Variants in CSTPP1 observed in about 807,000 individuals in gnomAD.
CSTPP1 encodes the protein centriolar satellite-associated tubulin polyglutamylase complex regulator 1, also known as UPF0705 protein C11orf49.
chr11:46,955,374 T>G, the CSTPP1 span, among the ~76,000 whole-genome samples: 1 of 151,690 alleles, frequency 6.6e-6, no homozygotes, highest in Admixed American at 6.6e-5. Flanking sequence ...TTTTTGTTTT[T>G]TTTTTTTCGA....
chr11:47,155,100 C>T, the CSTPP1 span: 1 of 1,091,538 alleles, frequency 9.2e-7, no homozygotes, highest in Non-Finnish European at 1.4e-6. Context: ...TTTTCCCTTC[C>T]TCCCTCTCCC....
At chr11:47,005,028 C>T in the CSTPP1 span, among the ~76,000 whole-genome samples, 1 of 152,190 alleles carries the variant, frequency 6.6e-6, no homozygotes, top group African/African-American at 2.4e-5. Context: ...TGTTCATCTG[C>T]ACACTCTCAT....
the CSTPP1 span, among the ~76,000 whole-genome samples, chr11:47,085,045 C>CA: frequency 4.0e-5 from 6 of 151,080 alleles, no homozygotes; most frequent in Admixed American, 2.0e-4. Flanking sequence ...ACTAAAAATA[C>CA]AAAAAAAAAT....
At chr11:47,144,064 CCT>C in the CSTPP1 span, among the ~76,000 whole-genome samples, 1 of 152,064 alleles carries the variant, frequency 6.6e-6, no homozygotes, top group South Asian at 2.1e-4. Flanking sequence ...TTCTCTGAGC[CCT>C]GTTTTTATAT....
At chr11:47,037,814 A>G in the CSTPP1 span, among the ~76,000 whole-genome samples, 2 of 127,460 alleles carry the variant, frequency 1.6e-5, 1 homozygote, top group Non-Finnish European at 3.7e-5. Context: ...CAACCATCCG[A>G]TTTCTCAATC....
the CSTPP1 span, among the ~76,000 whole-genome samples, chr11:47,029,235 TCTC>T: frequency 1.3e-5 from 2 of 152,222 alleles, no homozygotes; most frequent in African/African-American, 4.8e-5. Flanking sequence ...CCAAAAGTCT[TCTC>T]CTCCCAGCTT....
chr11:47,052,606 TCTC>T, the CSTPP1 span: 1 of 1,469,656 alleles, frequency 6.8e-7, no homozygotes, highest in Non-Finnish European at 9.1e-7. Flanking sequence ...TCTTTCTCTC[TCTC>T]TTTTCCTCTC....
chr11:46,987,352 A>C, the CSTPP1 span: 1 of 1,531,568 alleles, frequency 6.5e-7, no homozygotes, highest in South Asian at 1.1e-5. Flanking sequence ...AACCCAGAGG[A>C]GGCGCTTGGA....
At chr11:47,080,430 G>T in the CSTPP1 span, among the ~76,000 whole-genome samples, 1 of 152,164 alleles carries the variant, frequency 6.6e-6, no homozygotes, top group Non-Finnish European at 1.5e-5. Flanking sequence ...ACTCCAGCCT[G>T]GGTGACAGAG....
chr11:46,960,589 G>A, the CSTPP1 span, among the ~76,000 whole-genome samples: 1 of 152,116 alleles, frequency 6.6e-6, no homozygotes. Context: ...TGCTGGGCGC[G>A]GTGGCTAACC....
the CSTPP1 span, among the ~76,000 whole-genome samples, chr11:47,001,624 T>C: frequency 1.3e-5 from 2 of 152,190 alleles, no homozygotes; most frequent in Non-Finnish European, 2.9e-5. Flanking sequence ...AACGTAACTC[T>C]AATGAAAACA....
the CSTPP1 span, among the ~76,000 whole-genome samples, chr11:46,994,211 T>C: frequency 6.6e-6 from 1 of 152,212 alleles, no homozygotes; most frequent in African/African-American, 2.4e-5. Context: ...TATATAATCA[T>C]GTCATCTGCA....
chr11:47,134,795 A>G, the CSTPP1 span, among the ~76,000 whole-genome samples: 1 of 152,204 alleles, frequency 6.6e-6, no homozygotes, highest in East Asian at 1.9e-4. Flanking sequence ...CAGGCAACCC[A>G]ACAGAGAACT....
chr11:46,980,602 G>T, the CSTPP1 span, among the ~76,000 whole-genome samples: 3 of 151,798 alleles, frequency 2.0e-5, no homozygotes, highest in African/African-American at 7.3e-5. Context: ...TTTTGAATAG[G>T]ACACAAAGCA....
At chr11:47,096,777 T>C in the CSTPP1 span, among the ~76,000 whole-genome samples, 1 of 151,388 alleles carries the variant, frequency 6.6e-6, no homozygotes, top group African/African-American at 2.4e-5. Flanking sequence ...AATTATGTCA[T>C]TCTAAACAAT....
chr11:46,973,780 ATGTGTG>A, the CSTPP1 span, among the ~76,000 whole-genome samples: 1 of 150,586 alleles, frequency 6.6e-6, no homozygotes, highest in African/African-American at 2.4e-5. Context: ...TGGAGGGTGT[ATGTGTG>A]TGTGTGTGTG....
At chr11:47,006,871 C>T in the CSTPP1 span, among the ~76,000 whole-genome samples, 1 of 151,130 alleles carries the variant, frequency 6.6e-6, no homozygotes, top group African/African-American at 2.4e-5. Flanking sequence ...GGATTACAGA[C>T]ATGAGCCAAC....
chr11:47,139,083 T>A, the CSTPP1 span, among the ~76,000 whole-genome samples: 10 of 147,572 alleles, frequency 6.8e-5, no homozygotes, highest in Non-Finnish European at 1.0e-4. Flanking sequence ...CTTCCCTATA[T>A]CATACTGAAT....
chr11:47,003,431 G>T, the CSTPP1 span, among the ~76,000 whole-genome samples: 1 of 152,196 alleles, frequency 6.6e-6, no homozygotes, highest in Non-Finnish European at 1.5e-5. Flanking sequence ...TGAGAAAAGT[G>T]AAATGAAAGT....
Sources: allele counts gnomAD v4.1 joint callset (sites outside exome capture counted in the v4.1 genomes callset), GRCh38; gene constraint gnomAD v4.1.1; transcripts MANE v1.5; gene names NCBI Gene and HGNC (gene_info 2026-07-23, HGNC 2026-07-21).